The following RFX6 variants were observed in gnomAD, a reference collection of about 807,000 sequenced individuals.
RFX6 encodes the protein regulatory factor X6, also known as DNA-binding protein RFX6.
Under a neutral mutation model 110.8 loss-of-function variants are expected in RFX6, and 50 were observed. The observed-to-expected ratio is 0.45, with a 90% confidence interval of 0.36 to 0.57. The LOEUF is 0.57. RFX6 is among the 20% of genes least tolerant of loss of function. RFX6 has a pLI of 0.00. For synonymous variants in RFX6, 383 were observed against 411.2 expected (o/e 0.93, Z 0.83); for missense variants, 990 against 1,127.0 (o/e 0.88, Z 1.74).
chr6:116,917,142 ATAAAC>A (rs1231410371), intron 9 of RFX6, among the ~76,000 whole-genome samples: 1 of 152,156 alleles, frequency 6.6e-6, no homozygotes, highest in Non-Finnish European at 1.5e-5. Context: ...CTATTTATAG[ATAAAC>A]TAAGTCCAGA....
At chr6:116,898,100 A>G (rs1011117957) in intron 6 of RFX6, among the ~76,000 whole-genome samples, 3 of 152,176 alleles carry the variant, frequency 2.0e-5, no homozygotes, top group Non-Finnish European at 4.4e-5. Flanking sequence ...ATTCAGGATG[A>G]AAAAATGCTC....
Position 116,877,845 on chromosome 6 carries a change from C to A in RFX6, c.273C>A (p.Asp91Glu), listed in dbSNP as rs940840625. The A allele has an allele frequency of 6.2e-6, 10 of 1,614,132 alleles. 1 individual carries two copies. The Middle Eastern group carries it at 4.9e-4, about 80-fold the overall frequency. Reference protein sequence around the residue: ...GNFSSEEEDADNHDSKTKAAD... With the variant: ...GNFSSEEEDAENHDSKTKAAD... ...TTTCCTCTGAAGAAGAGGACGCCGACAACCACGACAGCAAAACCAAAGCAG... is the reference window on the plus strand; with the variant it reads ...TTTCCTCTGAAGAAGAGGACGCCGAAAACCACGACAGCAAAACCAAAGCAG... Residue 91 changes from aspartate to glutamate, a missense_variant, in exon 2 of 19, where the codon GAC becomes GAA. Asp to Glu is a conservative substitution (Grantham distance 45). Coordinates refer to ENST00000332958, the MANE Select transcript of RFX6 (RefSeq NM_173560.4).
At chr6:116,929,659 T>C (rs1744387938) in intron 18 of RFX6, among the ~76,000 whole-genome samples, 1 of 152,188 alleles carries the variant, frequency 6.6e-6, no homozygotes, top group African/African-American at 2.4e-5. Context: ...ATAACATAGA[T>C]TTAGTCACTA....
chr6:116,893,735 G>A (rs1286926044), intron 4 of RFX6, among the ~76,000 whole-genome samples: 1 of 152,168 alleles, frequency 6.6e-6, no homozygotes, highest in African/African-American at 2.4e-5. Context: ...TTTAGGGTAT[G>A]TAAGAGGATT....
At chr6:116,910,405 G>A (rs1327702708) in intron 6 of RFX6, among the ~76,000 whole-genome samples, 6 of 152,312 alleles carry the variant, frequency 3.9e-5, no homozygotes, top group Middle Eastern at 6.8e-3. Context: ...ATTTAGGGTA[G>A]AAGAAACTTA....
chr6:116,891,768 A>G (rs1014761261), intron 4 of RFX6, among the ~76,000 whole-genome samples: 1 of 152,184 alleles, frequency 6.6e-6, no homozygotes. Flanking sequence ...ATCTATTAAT[A>G]TAGCTCCTTT....
chr6:116,910,324 CT>C (rs968290456), intron 6 of RFX6, among the ~76,000 whole-genome samples: 4 of 152,116 alleles, frequency 2.6e-5, no homozygotes, highest in African/African-American at 9.7e-5. Flanking sequence ...TTATTTGTCA[CT>C]TTTCTAATTT....
intron 6 of RFX6, among the ~76,000 whole-genome samples, chr6:116,905,116 G>T (rs1436805882): frequency 6.6e-6 from 1 of 152,138 alleles, no homozygotes; most frequent in Admixed American, 6.6e-5. Context: ...CATAGCAGCT[G>T]TACTATTTTA....
chr6:116,927,398 C>T lies in RFX6; in HGVS notation c.2257C>T (p.Pro753Ser), dbSNP rs1286293453. 1 of 1,613,956 alleles carries T rather than the reference C, an allele frequency of 6.2e-7. No homozygotes were observed. The highest frequency in any genetic ancestry group is 8.5e-7 in the Non-Finnish European group (1 of 1,179,994). ...SCAGSPYNSR[P>S]PSSYGPSLQA... ...TGCGGGGTCTCCATATAACTCCCGG[C>T]CACCGTCTAGCTATGGCCCATCCCT... The change falls in exon 17 of 19, where the codon CCA (proline) becomes TCA (serine). Residue 753 changes from proline to serine, a missense_variant. Pro to Ser is a moderately conservative substitution (Grantham distance 74). Transcript: ENST00000332958.
At position 116,927,282 on chromosome 6, in the gene RFX6, C is replaced by T. The variant is rs1360251946; in HGVS notation, c.2141C>T (p.Thr714Ile). Reference sequence around the variant, plus strand: ...GTGTTTAGGGCACAGCCCCACTCCACATCAGGACTCTATCCTCATCACACC... The same window carrying T: ...GTGTTTAGGGCACAGCCCCACTCCATATCAGGACTCTATCCTCATCACACC... Reference protein sequence around the residue: ...QTVFRAQPHSTSGLYPHHTEH... With the variant: ...QTVFRAQPHSISGLYPHHTEH... Residue 714 changes from threonine to isoleucine, a missense_variant, in exon 17 of 19, where the codon ACA (threonine) becomes ATA (isoleucine). Thr to Ile is a moderately conservative substitution (Grantham distance 89, BLOSUM62 -1). Around this residue, in one of 5 missense-constraint regions of RFX6, gnomAD observed 438 missense variants for 441.9 expected, o/e 0.99. Coordinates refer to ENST00000332958, the MANE Select transcript of RFX6 (RefSeq NM_173560.4). The T allele has an allele frequency of 6.2e-7, 1 of 1,614,236 alleles. No individual in the cohort carries two copies. The highest frequency in any genetic ancestry group is 8.5e-7 in the Non-Finnish European group (1 of 1,180,036).
intron 4 of RFX6, among the ~76,000 whole-genome samples, chr6:116,893,442 A>G (rs1187914379): frequency 6.6e-6 from 1 of 152,220 alleles, no homozygotes; most frequent in African/African-American, 2.4e-5. Context: ...GATTTGCAAC[A>G]TAGCCTTCTC....
At chr6:116,905,027 G>T (rs1243612253) in intron 6 of RFX6, among the ~76,000 whole-genome samples, 2 of 152,134 alleles carry the variant, frequency 1.3e-5, no homozygotes, top group Admixed American at 6.5e-5. Context: ...ATTGTTTTGG[G>T]TATATACCCA....
intron 4 of RFX6, among the ~76,000 whole-genome samples, chr6:116,885,766 T>G (rs1375549089): frequency 1.3e-5 from 2 of 152,194 alleles, no homozygotes; most frequent in African/African-American, 4.8e-5. Context: ...ATTAACATAT[T>G]AGATTCTTCT....
At chr6:116,888,668 A>G (rs2114667980) in intron 4 of RFX6, among the ~76,000 whole-genome samples, 1 of 152,324 alleles carries the variant, frequency 6.6e-6, no homozygotes, top group Middle Eastern at 3.4e-3. Context: ...AGGTAGTGTT[A>G]TATAAATTTA....
Position 116,927,197 on chromosome 6 carries a change from T to G in RFX6, c.2056T>G (p.Tyr686Asp). The change falls in exon 17 of 19, where the codon TAT becomes GAT. Residue 686 changes from tyrosine to aspartate, a missense_variant. By Grantham distance (160) the Tyr-to-Asp change is radical (BLOSUM62 -3). This residue lies in a region of RFX6 where 438 missense variants were observed against 441.9 expected (regional missense o/e 0.99). Transcript: ENST00000332958. ...SHCSTYPEPI[Y>D]PTLPQANHDF... Reference sequence around the variant, plus strand: ...CTGCTCCACATACCCAGAGCCCATTTATCCCACTCTCCCTCAAGCCAATCA... The same window carrying G: ...CTGCTCCACATACCCAGAGCCCATTGATCCCACTCTCCCTCAAGCCAATCA... 6.2e-7 allele frequency: 1 copy of G among 1,614,194 alleles called. No homozygotes were observed. Among genetic ancestry groups the G allele is most frequent in the South Asian group, 1.1e-5 (1 of 91,080 alleles).
At chr6:116,912,847 G>GGT (rs558794025) in intron 7 of RFX6, among the ~76,000 whole-genome samples, 51,842 of 151,766 alleles carry the variant, frequency 0.34, 9,164 homozygotes, top group African/African-American at 0.43. Context: ...TTGAAAGACT[G>GGT]GTCTGTAGAT....
chr6:116,910,091 G>A (rs1156294706), intron 6 of RFX6, among the ~76,000 whole-genome samples: 2 of 152,034 alleles, frequency 1.3e-5, no homozygotes, highest in Non-Finnish European at 2.9e-5. Flanking sequence ...ACAAAATTTT[G>A]TCCTTGCCAG....
chr6:116,896,338 A>G (rs1006593656), intron 6 of RFX6, among the ~76,000 whole-genome samples: 1 of 152,222 alleles, frequency 6.6e-6, no homozygotes, highest in Non-Finnish European at 1.5e-5. Context: ...AAATTAAAAT[A>G]TTCTGATTAA....
intron 17 of RFX6, among the ~76,000 whole-genome samples, chr6:116,928,097 T>C (rs1166132188): frequency 6.9e-6 from 1 of 145,406 alleles, no homozygotes. Context: ...AAAAAAAAGA[T>C]AGTTAAATCA....
Sources: gnomAD v4.1 joint callset for allele counts (sites outside exome capture counted in the v4.1 genomes callset) on GRCh38, gnomAD v4.1.1 for gene constraint, gnomAD v4.1.1 regional missense constraint, MANE v1.5 for transcripts, NCBI Gene and HGNC (gene_info 2026-07-23, HGNC 2026-07-21) for gene names.